ZBTB32: variants seen among roughly 807,000 people sequenced by gnomAD.
The protein encoded by ZBTB32 is zinc finger and BTB domain-containing protein 32.
A neutral mutation model predicts 45.3 loss-of-function variants in ZBTB32; 28 were observed. That is an observed-to-expected ratio of 0.62 (90% CI 0.46 to 0.85). ZBTB32 has a LOEUF of 0.85. Ranked by LOEUF, ZBTB32 falls within the 40% of genes least tolerant of loss-of-function variation. The pLI, the probability that ZBTB32 is intolerant of heterozygous loss-of-function variation, is 0.00. For missense variants in ZBTB32, 587 were observed against 624.4 expected, an observed-to-expected ratio of 0.94 and a Z score of 0.64; for synonymous variants, 283 against 255.7, an observed-to-expected ratio of 1.11 and a Z score of -1.02.
At position 35,715,080 on chromosome 19, in the gene ZBTB32, G is replaced by T; in HGVS notation, c.454G>T (p.Glu152Ter). The T allele has an allele frequency of 6.2e-7, 1 of 1,614,028 alleles. No individual in the cohort carries two copies. The highest frequency in any genetic ancestry group is 8.5e-7 in the Non-Finnish European group (1 of 1,180,022). The change falls in exon 3 of 7, where the codon GAA (glutamate) becomes TAA (stop). Residue 152 changes from glutamate to a stop codon, truncating the protein, a stop_gained. Transcript: ENST00000392197. LOFTEE classifies it high-confidence loss of function. ...LGDPGEKQKP[E>*]QVSRTGGREQ... is the part of the protein sequence containing the mutation. ...GGACCCTGGAGAGAAGCAGAAACCA[G>T]AACAGGTTTCTAGAACTGGTGGGAG... is the stretch of plus-strand genomic sequence containing the variant.
intron 1 of ZBTB32, among the ~76,000 whole-genome samples, chr19:35,706,610 C>T (rs1968551007): frequency 1.3e-5 from 2 of 152,030 alleles, no homozygotes; most frequent in African/African-American, 4.8e-5. Context: ...ATCCCAGCTA[C>T]TTAGGAGCCT....
chr19:35,715,302 C>G lies in ZBTB32; in HGVS notation c.676C>G (p.Leu226Val). 1 of 1,583,970 alleles carries G rather than the reference C, an allele frequency of 6.3e-7. No individual in the cohort carries two copies. Among genetic ancestry groups the G allele is most frequent in the Non-Finnish European group, 8.6e-7 (1 of 1,166,800 alleles). The change falls in exon 3 of 7, where the codon CTG becomes GTG. Residue 226 changes from leucine (L) to valine (V), a missense_variant. Leu to Val is a conservative substitution (Grantham distance 32). Transcript: ENST00000392197. ...AAATCCAGGGGGCTCTGAGGAAAGT[C>G]TGCGCAAGCTCCCTGGCCCCCTTCC... ...RENPGGSEESLRKLPGPLPPA... is the reference protein window; with the variant it reads ...RENPGGSEESVRKLPGPLPPA...
intron 1 of ZBTB32, among the ~76,000 whole-genome samples, chr19:35,708,165 C>G (rs1192118584): frequency 6.6e-6 from 1 of 152,084 alleles, no homozygotes. Flanking sequence ...GTCTCACATT[C>G]TAGCCTGCAC....
Position 35,716,165 on chromosome 19 carries a change from A to G in ZBTB32, c.1057A>G (p.Lys353Glu). 1.2e-6 allele frequency: 2 copies of G among 1,613,734 alleles called. No homozygotes were observed. The highest frequency in any genetic ancestry group is 2.2e-5 in the South Asian group (2 of 91,020). The change falls in exon 6 of 7, where the codon AAG (lysine) becomes GAG (glutamate). Residue 353 changes from lysine (K) to glutamate (E), a missense_variant. Lys to Glu is a moderately conservative substitution (Grantham distance 56, BLOSUM62 1). Coordinates refer to ENST00000392197, the MANE Select transcript of ZBTB32 (RefSeq NM_014383.3). ...TGCAACCTGTGCGGGTCATGAGGAC[A>G]AGGCAGGCTGCCCACCTCGCCCGCA... The part of the protein sequence containing the change: ...ALATCAGHED[K>E]AGCPPRPHPP...
At position 35,716,272 on chromosome 19, in the gene ZBTB32, G is replaced by A. The variant is rs1968890578; in HGVS notation, c.1164G>A (p.Met388Ile). 6.2e-7 allele frequency: 1 copy of A among 1,613,202 alleles called. No homozygotes were observed. The highest frequency in any genetic ancestry group is 8.5e-7 in the Non-Finnish European group (1 of 1,179,770). ...AGAGGTTTTCACTCAAGCATCAGAT[G>A]GAGACGCACTACCGAGTCCACACAG... ...CGKRFSLKHQ[M>I]ETHYRVHTGE... The change falls in exon 6 of 7, where the codon ATG becomes ATA. Residue 388 changes from methionine (M) to isoleucine (I), a missense_variant. By Grantham distance (10) the Met-to-Ile change is conservative (BLOSUM62 1). Coordinates refer to ENST00000392197, the MANE Select transcript of ZBTB32 (RefSeq NM_014383.3).
chr19:35,705,928 TAA>T (rs543252977), intron 1 of ZBTB32, among the ~76,000 whole-genome samples: 17 of 121,812 alleles, frequency 1.4e-4, no homozygotes, highest in African/African-American at 4.2e-4. Context: ...AAAAATTAAT[TAA>T]AAAAAAAAAA....
chr19:35,712,052 A>AAAG lies in ZBTB32; in HGVS notation c.-221-865_-221-864insAAG, dbSNP rs1420122575. ...AAAAAAAAAAAAAAAAAAAAAAAAA[A>AAAG]GAGAAGCCTATGGGGAAGCCGACTG... On this transcript the variant is annotated intron_variant, in intron 1 of 6. Coordinates refer to ENST00000392197, the MANE Select transcript of ZBTB32 (RefSeq NM_014383.3). Among the ~76,000 whole-genome samples, 40 of 141,472 alleles carry AAAG rather than the reference A, an allele frequency of 2.8e-4. 1 individual carries two copies. Among genetic ancestry groups the AAAG allele is most frequent in the South Asian group, 6.6e-4 (3 of 4,578 alleles). 92.8% of individuals were successfully genotyped at this position (141,472 alleles called of 152,430 possible).
At position 35,716,839 on chromosome 19, in the gene ZBTB32, G is replaced by A. The variant is rs1968930324; in HGVS notation, c.*87G>A. Reference sequence around the variant, plus strand: ...GCTTCTGACCTGGCACCGCTGCTACGGCGGCCTAGCAAATTCCGCCCCAGA... The same window carrying A: ...GCTTCTGACCTGGCACCGCTGCTACAGCGGCCTAGCAAATTCCGCCCCAGA... On this transcript the variant is annotated 3_prime_UTR_variant, in exon 7 of 7. Transcript: ENST00000392197. 3.4e-6 allele frequency: 5 copies of A among 1,489,642 alleles called. No individual in the cohort carries two copies. The highest frequency in any genetic ancestry group is 4.5e-6 in the Non-Finnish European group (5 of 1,108,412). The allele number at this position is 1,489,642 out of a possible 1,614,324, so 92.3% of individuals were successfully genotyped here.
chr19:35,707,616 C>T (rs1427706267), intron 1 of ZBTB32, among the ~76,000 whole-genome samples: 1 of 152,028 alleles, frequency 6.6e-6, no homozygotes, highest in African/African-American at 2.4e-5. Context: ...GATCCGCCCA[C>T]CTCGGCCTCC....
intron 2 of ZBTB32, chr19:35,713,411 A>G (rs1341756337): frequency 2.0e-5 from 3 of 152,516 alleles, no homozygotes; most frequent in African/African-American, 7.2e-5. Context: ...AGGAGCCCCA[A>G]CAGTAGTTCA....
chr19:35,716,126 C>T lies in ZBTB32; in HGVS notation c.1025-7C>T. 3.7e-6 allele frequency: 6 copies of T among 1,613,468 alleles called. No individual in the cohort carries two copies. The highest frequency in any genetic ancestry group is 5.1e-6 in the Non-Finnish European group (6 of 1,179,808). Reference sequence around the variant, plus strand: ...CCTGCCCTCCTTTGCCTTCTCTGTCCCCACAGGCGCACTTGCAACCTGTGC... The same window carrying T: ...CCTGCCCTCCTTTGCCTTCTCTGTCTCCACAGGCGCACTTGCAACCTGTGC... On this transcript the variant is annotated splice_polypyrimidine_tract_variant and splice_region_variant and intron_variant, in intron 5 of 6. Coordinates refer to ENST00000392197, the MANE Select transcript of ZBTB32 (RefSeq NM_014383.3).
chr19:35,716,012 G>A lies in ZBTB32; in HGVS notation c.1024+5G>A. ...AGTCTGATCAGGGGCACACAGGTGA[G>A]TCGGGCGGGGGCACTCGTGCCTCAG... On this transcript the variant is annotated splice_donor_5th_base_variant and intron_variant, in intron 5 of 6. Coordinates refer to ENST00000392197, the MANE Select transcript of ZBTB32 (RefSeq NM_014383.3). 6.2e-7 allele frequency: 1 copy of A among 1,611,704 alleles called. No individual in the cohort carries two copies. Among genetic ancestry groups the A allele is most frequent in the East Asian group, 2.2e-5 (1 of 44,876 alleles).
In ZBTB32 at chr19:35,714,791, C is replaced by G; in HGVS notation, c.165C>G (p.Gly55=). 6.2e-7 allele frequency: 1 copy of G among 1,614,122 alleles called. No homozygotes were observed. Among genetic ancestry groups the G allele is most frequent in the South Asian group, 1.1e-5 (1 of 91,076 alleles). Residue 55 remains glycine, a synonymous_variant, in exon 3 of 7, where the codon GGC becomes GGG. Coordinates refer to ENST00000392197, the MANE Select transcript of ZBTB32 (RefSeq NM_014383.3). ...TAGCAGGTGTCAGCCAGCAGCTGGG[C>G]CGCAGGGGCCAGTGGGCTCTGGGAG... ...LVLAGVSQQL[G]RRGQWALGEG...
At position 35,716,248 on chromosome 19, in the gene ZBTB32, G is replaced by A; in HGVS notation, c.1140G>A (p.Lys380=). 6.2e-7 allele frequency: 1 copy of A among 1,613,970 alleles called. No homozygotes were observed. The highest frequency in any genetic ancestry group is 1.1e-5 in the South Asian group (1 of 91,080). Residue 380 remains lysine, a synonymous_variant, in exon 6 of 7, where the codon AAG becomes AAA. Coordinates refer to ENST00000392197, the MANE Select transcript of ZBTB32 (RefSeq NM_014383.3). The part of the protein sequence containing the change: ...SRPYACSVCG[K]RFSLKHQMET... The stretch of plus-strand genomic sequence containing the variant: ...CCTATGCGTGCTCTGTCTGTGGAAA[G>A]AGGTTTTCACTCAAGCATCAGATGG...
chr19:35,710,384 CAG>C (rs1320196008), intron 1 of ZBTB32, among the ~76,000 whole-genome samples: 1 of 152,030 alleles, frequency 6.6e-6, no homozygotes, highest in Non-Finnish European at 1.5e-5. Context: ...TTGCTCTTTC[CAG>C]AGAGACAACT....
At chr19:35,707,195 T>TAAAAA (rs537947581) in intron 1 of ZBTB32, among the ~76,000 whole-genome samples, 1 of 105,938 alleles carries the variant, frequency 9.4e-6, no homozygotes, top group Non-Finnish European at 1.9e-5. Flanking sequence ...ACTGTGTCTC[T>TAAAAA]AAAAAAAAAA....
At chr19:35,707,280 G>T (rs1968568847) in intron 1 of ZBTB32, among the ~76,000 whole-genome samples, 1 of 150,802 alleles carries the variant, frequency 6.6e-6, no homozygotes, top group Non-Finnish European at 1.5e-5. Context: ...CTAGACGATA[G>T]TTAACCTCTC....
intron 2 of ZBTB32, 190 bp from the exon 3 acceptor site, chr19:35,714,333 C>A (rs145491382): frequency 6.9e-4 from 202 of 293,288 alleles, no homozygotes; most frequent in African/African-American, 4.0e-3. Context: ...CTAGATATTT[C>A]TGTTAACTGA....
chr19:35,704,885 T>A (rs1216800339), intron 1 of ZBTB32, among the ~76,000 whole-genome samples: 2 of 151,794 alleles, frequency 1.3e-5, no homozygotes, highest in Non-Finnish European at 2.9e-5. Flanking sequence ...GTAGGAAGGG[T>A]GTTGTGGGGA....
Sources: gnomAD v4.1 joint callset for allele counts (sites outside exome capture counted in the v4.1 genomes callset) on GRCh38, gnomAD v4.1.1 for gene constraint, MANE v1.5 for transcripts, NCBI Gene and HGNC (gene_info 2026-07-23, HGNC 2026-07-21) for gene names.